Variants in A2ML1 observed in about 807,000 individuals in gnomAD.
A2ML1 encodes alpha-2-macroglobulin-like protein 1.
In A2ML1, 161 loss-of-function variants were observed where a neutral mutation model predicts 181.9. The observed-to-expected ratio is 0.89, with a 90% CI of 0.78 to 1.01. The LOEUF is 1.01. Among genes scored for constraint, A2ML1 ranks in the 50% least tolerant of loss-of-function variants. The probability of loss-of-function intolerance (pLI) is 0.00; values close to 1 mark genes in which losing one functional copy is unlikely to be tolerated. For missense variants in A2ML1, 1,670 were observed against 1,768.1 expected (o/e 0.94, Z 1.00); for synonymous variants, 663 against 666.8 (o/e 0.99, Z 0.09).
chr12:8,845,283 A>G (rs1363447000), intron 12 of A2ML1, 159 bp from the exon 13 acceptor site: 5 of 1,457,518 alleles, frequency 3.4e-6, no homozygotes, highest in African/African-American at 1.4e-5. Flanking sequence ...AGCATCCTGC[A>G]TTTGTCAAGC....
chr12:8,823,752 G>A lies in A2ML1; in HGVS notation c.279G>A (p.Val93=), dbSNP rs372743813. 1 of 1,614,048 alleles carries A rather than the reference G, an allele frequency of 6.2e-7. No homozygotes were observed. Among genetic ancestry groups the A allele is most frequent in the African/African-American group, 1.3e-5 (1 of 75,016 alleles). Residue 93 remains valine, a synonymous_variant, in exon 3 of 36, where the codon GTG becomes GTA. Coordinates refer to ENST00000299698, the MANE Select transcript of A2ML1 (RefSeq NM_144670.6). ...CTCCTGCTGGTGGCACAGAAGAAGT[G>A]GCCACAATCCGGGTGTCGGGAGTTG... is the stretch of plus-strand genomic sequence containing the variant. ...VPPPAGGTEE[V]ATIRVSGVGN...
chr12:8,869,198 G>T lies in A2ML1; in HGVS notation c.4216G>T (p.Asp1406Tyr). ...FGTDTLNIYL[D>Y]ELIKNTQTYT... ...AACTGACACACTTAACATTTACTTG[G>T]ATGAGGTAGGTATTCAGGAACCAGA... is the stretch of plus-strand genomic sequence containing the variant. The change falls in exon 33 of 36, where the codon GAT becomes TAT. Residue 1406 changes from aspartate (D) to tyrosine (Y), a missense_variant. Coordinates refer to ENST00000299698, the MANE Select transcript of A2ML1 (RefSeq NM_144670.6). 6.2e-7 allele frequency: 1 copy of T among 1,614,002 alleles called. No individual in the cohort carries two copies. The highest frequency in any genetic ancestry group is 1.1e-5 in the South Asian group (1 of 91,074).
In A2ML1 at chr12:8,868,633, T is replaced by C; in HGVS notation, c.4152+6T>C. ...TGGAGGGCACCAATCAGTTAGTAAG[T>C]TACTTCTGTTTTCTTCATTTATCTA... On this transcript the variant is annotated splice_donor_region_variant and intron_variant, in intron 32 of 35. Coordinates refer to ENST00000299698, the MANE Select transcript of A2ML1 (RefSeq NM_144670.6). 6.2e-7 allele frequency: 1 copy of C among 1,610,922 alleles called. No individual in the cohort carries two copies.
chr12:8,879,295 C>T (rs1319573505), downstream of A2ML1, among the ~76,000 whole-genome samples: 1 of 152,076 alleles, frequency 6.6e-6, no homozygotes, highest in Non-Finnish European at 1.5e-5. Flanking sequence ...CATTCAAGAT[C>T]AGCCTGGCTA....
chr12:8,870,150 T>C (rs1010314488), intron 33 of A2ML1, among the ~76,000 whole-genome samples: 1 of 152,222 alleles, frequency 6.6e-6, no homozygotes, highest in East Asian at 1.9e-4. Flanking sequence ...CAAAACATAC[T>C]GTTGTTAGTA....
chr12:8,849,805 C>T, intron 17 of A2ML1, 46 bp downstream of exon 17: 1 of 1,560,696 alleles, frequency 6.4e-7, no homozygotes. Flanking sequence ...TGTTAACAGT[C>T]CTGGAACTCT....
At chr12:8,828,564 C>G (rs7979289) in intron 3 of A2ML1, among the ~76,000 whole-genome samples, 112,529 of 152,014 alleles carry the variant, frequency 0.74, 42,892 homozygotes, top group East Asian at 0.99. Flanking sequence ...CCATAACTGG[C>G]GACCCCAAGG....
chr12:8,867,421 C>G (rs1944457113), intron 29 of A2ML1, among the ~76,000 whole-genome samples: 2 of 152,180 alleles, frequency 1.3e-5, no homozygotes, highest in Admixed American at 1.3e-4. Flanking sequence ...GCCAAGGCAG[C>G]CGGACCACCT....
At chr12:8,849,059 G>A (rs977883253) in intron 16 of A2ML1, 145 bp downstream of exon 16, 16 of 805,206 alleles carry the variant, frequency 2.0e-5, no homozygotes, top group Admixed American at 6.1e-5. Context: ...GTGTAAGGTC[G>A]CCTCTGTTGG....
At chr12:8,857,138 C>A (rs776966689) in intron 23 of A2ML1, 26 bp from the exon 24 acceptor site, 2 of 1,604,168 alleles carry the variant, frequency 1.2e-6, no homozygotes, top group African/African-American at 2.7e-5. Flanking sequence ...GTACCCCTAC[C>A]TTCTCTCTCT....
chr12:8,851,731 T>C, intron 18 of A2ML1, 53 bp from the exon 19 acceptor site: 1 of 1,566,124 alleles, frequency 6.4e-7, no homozygotes, highest in Non-Finnish European at 8.7e-7. Context: ...TTCACAAATG[T>C]TCTCCTTGCC....
chr12:8,823,697 C>A (rs181352770), intron 2 of A2ML1, 23 bp from the exon 3 acceptor site: 1 of 1,608,562 alleles, frequency 6.2e-7, no homozygotes, highest in Admixed American at 1.7e-5. Flanking sequence ...TACCCCTCCC[C>A]AGAAGTCCCC....
intron 26 of A2ML1, among the ~76,000 whole-genome samples, chr12:8,859,070 T>C (rs146882342): frequency 2.6e-4 from 39 of 152,136 alleles, no homozygotes; most frequent in African/African-American, 9.4e-4. Context: ...TGCTAATAAG[T>C]GGCAGGACTG....
Position 8,842,343 on chromosome 12 carries a change from C to T in A2ML1, c.1249-791C>T, listed in dbSNP as rs899788223. 1.6e-4 allele frequency among the ~76,000 whole-genome samples: 24 copies of T among 152,074 alleles called. No homozygotes were observed. In the East Asian group the frequency reaches 3.1e-3, roughly 20 times the overall value. On this transcript the variant is annotated intron_variant, in intron 11 of 35. Transcript: ENST00000299698. ...CGCCATTCTCCTGCCTCAGCCTCCCCGAGTAGCTGGGACTACAGGCGCCTG... is the reference window on the plus strand; with the variant it reads ...CGCCATTCTCCTGCCTCAGCCTCCCTGAGTAGCTGGGACTACAGGCGCCTG...
intron 29 of A2ML1, among the ~76,000 whole-genome samples, chr12:8,866,614 G>A (rs1469884636): frequency 6.6e-6 from 1 of 152,088 alleles, no homozygotes; most frequent in Non-Finnish European, 1.5e-5. Flanking sequence ...TCAGCTGACA[G>A]TGAGGTCCCT....
chr12:8,884,205 T>C (rs1944896450), intron 7 of A2ML1, among the ~76,000 whole-genome samples: 1 of 152,082 alleles, frequency 6.6e-6, no homozygotes, highest in South Asian at 2.1e-4. Flanking sequence ...ATTGACTTTC[T>C]TTTGAAATTC....
intron 26 of A2ML1, among the ~76,000 whole-genome samples, chr12:8,858,884 C>T (rs1238099078): frequency 6.6e-6 from 1 of 152,104 alleles, no homozygotes; most frequent in Non-Finnish European, 1.5e-5. Flanking sequence ...GTAGGCAGCC[C>T]AACGTCTTTT....
chr12:8,875,089 G>C (rs1242707922), intron 35 of A2ML1, 77 bp downstream of exon 35: 1 of 1,487,362 alleles, frequency 6.7e-7, no homozygotes, highest in East Asian at 2.3e-5. Flanking sequence ...TCGAGTTACT[G>C]TCATTGTCTT....
chr12:8,870,973 C>A (rs1447061212), intron 33 of A2ML1, among the ~76,000 whole-genome samples: 1 of 152,156 alleles, frequency 6.6e-6, no homozygotes, highest in East Asian at 1.9e-4. Context: ...CCCTTGTGTT[C>A]TTGATCAATT....
Sources: gnomAD v4.1 joint callset for allele counts (sites outside exome capture counted in the v4.1 genomes callset) on GRCh38, gnomAD v4.1.1 for gene constraint, MANE v1.5 for transcripts, NCBI Gene and HGNC (gene_info 2026-07-23, HGNC 2026-07-21) for gene names.